STAU2: variants seen among roughly 807,000 people sequenced by gnomAD.
The protein encoded by STAU2 is staufen double-stranded RNA binding protein 2, also known as double-stranded RNA-binding protein Staufen homolog 2.
STAU2 carries 20 observed loss-of-function variants against 65.9 expected under a neutral mutation model. The observed-to-expected ratio is 0.30, with a 90% confidence interval of 0.21 to 0.44. The LOEUF (loss-of-function observed/expected upper bound fraction) is 0.44. Among genes scored for constraint, STAU2 ranks in the 20% least tolerant of loss-of-function variants. STAU2 has a pLI of 1.00. For synonymous variants in STAU2, 232 were observed against 233.9 expected, an observed-to-expected ratio of 0.99 and a Z score of 0.07; for missense variants, 558 against 683.9, an observed-to-expected ratio of 0.82 and a Z score of 2.05.
chr8:73,458,065 A>G (rs1188777453), intron 13 of STAU2, among the ~76,000 whole-genome samples: 1 of 152,156 alleles, frequency 6.6e-6, no homozygotes, highest in African/African-American at 2.4e-5. Flanking sequence ...ACTAACACCA[A>G]CCTGCTGAAT....
intron 6 of STAU2, among the ~76,000 whole-genome samples, chr8:73,621,673 C>CA (rs1813245889): frequency 6.6e-6 from 1 of 152,028 alleles, no homozygotes; most frequent in Non-Finnish European, 1.5e-5. Context: ...TTTTAAATCC[C>CA]AAAAAAGTCT....
intron 4 of STAU2, among the ~76,000 whole-genome samples, chr8:73,707,922 C>T (rs1446094483): frequency 6.6e-6 from 1 of 151,904 alleles, no homozygotes; most frequent in African/African-American, 2.4e-5. Context: ...GGCAAAAGCA[C>T]CTTCAAGGCA....
chr8:73,488,274 C>A (rs980140358), intron 13 of STAU2, among the ~76,000 whole-genome samples: 7 of 151,954 alleles, frequency 4.6e-5, no homozygotes, highest in African/African-American at 1.4e-4. Flanking sequence ...ATTTTTACAG[C>A]GCTTTTGACA....
At chr8:73,583,511 A>G (rs1810144273) in intron 11 of STAU2, among the ~76,000 whole-genome samples, 1 of 152,184 alleles carries the variant, frequency 6.6e-6, no homozygotes, top group Non-Finnish European at 1.5e-5. Flanking sequence ...TGACCAAAAG[A>G]GCTTTTGTAT....
chr8:73,431,536 G>A (rs747778768), intron 13 of STAU2, among the ~76,000 whole-genome samples: 8 of 152,234 alleles, frequency 5.3e-5, no homozygotes, highest in African/African-American at 1.7e-4. Flanking sequence ...ATGTGTGTCC[G>A]TCCCTTAGAG....
chr8:73,508,282 T>C (rs1822182852), intron 13 of STAU2, among the ~76,000 whole-genome samples: 1 of 152,210 alleles, frequency 6.6e-6, no homozygotes, highest in African/African-American at 2.4e-5. Flanking sequence ...ACTCTTTCAG[T>C]TGAACACTTA....
chr8:73,686,377 C>A (rs1053269067), intron 5 of STAU2, among the ~76,000 whole-genome samples: 1 of 151,930 alleles, frequency 6.6e-6, no homozygotes, highest in Non-Finnish European at 1.5e-5. Context: ...AGTGAAACCC[C>A]GTCTCTACTA....
intron 13 of STAU2, chr8:73,458,775 G>A (rs1256803164): frequency 2.0e-5 from 3 of 152,256 alleles, no homozygotes; most frequent in Non-Finnish European, 4.4e-5. Flanking sequence ...TATAAACCAA[G>A]CTCTGAATAC....
At chr8:73,451,001 C>A (rs1818771864) in intron 13 of STAU2, among the ~76,000 whole-genome samples, 1 of 152,120 alleles carries the variant, frequency 6.6e-6, no homozygotes, top group Non-Finnish European at 1.5e-5. Context: ...GGAGACCAGG[C>A]CCAGGAGGAA....
At chr8:73,616,443 G>C (rs1354555802) in intron 7 of STAU2, among the ~76,000 whole-genome samples, 2 of 152,154 alleles carry the variant, frequency 1.3e-5, no homozygotes, top group African/African-American at 4.8e-5. Flanking sequence ...TATCAAAGGA[G>C]AAAGAAACAA....
chr8:73,674,882 A>G (rs1817928988), intron 5 of STAU2, among the ~76,000 whole-genome samples: 1 of 151,904 alleles, frequency 6.6e-6, no homozygotes, highest in South Asian at 2.1e-4. Context: ...AAATATCACA[A>G]TGAATTCATG....
intron 6 of STAU2, among the ~76,000 whole-genome samples, chr8:73,658,934 C>CAACAA (rs1816598555): frequency 1.0e-5 from 1 of 96,730 alleles, no homozygotes; most frequent in African/African-American, 2.9e-5. Context: ...ACAACAACAA[C>CAACAA]AAAAACAACA....
At position 73,422,611 on chromosome 8, in the gene STAU2, C is replaced by T. The variant is rs1201492691; in HGVS notation, c.1619+3G>A. ...TAAGAATACTGACAGGGGATTTACT[C>T]ACTTTTCAAGAGAACCTTTTTCGAT... On this transcript the variant is annotated splice_donor_region_variant and intron_variant, in intron 14 of 14. Coordinates refer to ENST00000524300, the MANE Select transcript of STAU2 (RefSeq NM_001164380.2). 1.3e-6 allele frequency: 2 copies of T among 1,508,170 alleles called. No homozygotes were observed. The highest frequency in any genetic ancestry group is 1.7e-4 in the Middle Eastern group (1 of 5,894). 93.4% of individuals were successfully genotyped at this position (1,508,170 alleles called of 1,614,324 possible). A position where few individuals can be genotyped will look rare whatever the true frequency, so the allele number is the denominator to read the frequency against.
At chr8:73,643,367 TCA>T (rs1177923541) in intron 6 of STAU2, among the ~76,000 whole-genome samples, 1 of 152,094 alleles carries the variant, frequency 6.6e-6, no homozygotes, top group East Asian at 1.9e-4. Flanking sequence ...AAGAAGGAAA[TCA>T]CTTGCATCTG....
At chr8:73,738,238 G>T in intron 3 of STAU2, 46 bp downstream of exon 3, 1 of 1,512,524 alleles carries the variant, frequency 6.6e-7, no homozygotes, top group Non-Finnish European at 9.1e-7. Context: ...ACAATTTACA[G>T]CCAAAGCACC....
intron 12 of STAU2, among the ~76,000 whole-genome samples, chr8:73,573,691 C>T (rs1298498428): frequency 6.6e-6 from 1 of 152,180 alleles, no homozygotes; most frequent in Non-Finnish European, 1.5e-5. Flanking sequence ...GGAAAACTGG[C>T]TAGCCATATG....
intron 13 of STAU2, among the ~76,000 whole-genome samples, chr8:73,540,590 G>C (rs752147012): frequency 1.3e-5 from 2 of 152,156 alleles, no homozygotes; most frequent in African/African-American, 2.4e-5. Context: ...TTACCAGTTA[G>C]TAATTAATTA....
chr8:73,652,127 G>A (rs1586196655), intron 6 of STAU2: 1 of 152,240 alleles, frequency 6.6e-6, no homozygotes, highest in Admixed American at 6.5e-5. Context: ...AAAAAGTAAA[G>A]GTTGTAGGCT....
chr8:73,599,361 T>C (rs1811454924), intron 10 of STAU2, among the ~76,000 whole-genome samples: 1 of 152,206 alleles, frequency 6.6e-6, no homozygotes, highest in Non-Finnish European at 1.5e-5. Context: ...TAAAATGCCA[T>C]ATAACTGCAA....
Sources: gnomAD v4.1 joint callset for allele counts (sites outside exome capture counted in the v4.1 genomes callset) on GRCh38, gnomAD v4.1.1 for gene constraint, MANE v1.5 for transcripts, NCBI Gene and HGNC (gene_info 2026-07-23, HGNC 2026-07-21) for gene names.